The following DIAPH1 variants were observed in gnomAD, a reference collection of about 807,000 sequenced individuals.
DIAPH1 encodes the protein diaphanous related formin 1, also known as protein diaphanous homolog 1.
DIAPH1 carries 46 observed loss-of-function variants against 140.7 expected under a neutral mutation model. That is an observed-to-expected ratio of 0.33 (90% CI 0.26 to 0.42). DIAPH1 has a LOEUF of 0.42. Among genes scored for constraint, DIAPH1 ranks in the 10% least tolerant of loss-of-function variants. The pLI is 1.00. For missense variants in DIAPH1, 1,310 were observed against 1,558.7 expected, an observed-to-expected ratio of 0.84 and a Z score of 2.69; for synonymous variants, 565 against 551.6, an observed-to-expected ratio of 1.02 and a Z score of -0.34.
Position 141,527,699 on chromosome 5 carries a change from T to TAAAAAAAAAAAAAAAAAAAAAACA in DIAPH1, c.3149-3_3149-2insTGTTTTTTTTTTTTTTTTTTTTTT. The TAAAAAAAAAAAAAAAAAAAAAACA allele has an allele frequency of 4.4e-6, 5 of 1,130,078 alleles. No individual in the cohort carries two copies. Among genetic ancestry groups the TAAAAAAAAAAAAAAAAAAAAAACA allele is most frequent in the East Asian group, 7.3e-5 (2 of 27,440 alleles). The allele number at this position is 1,130,078 out of a possible 1,614,324, so 70.0% of individuals were successfully genotyped here. A position where few individuals can be genotyped will look rare whatever the true frequency, so the allele number is the denominator to read the frequency against. The stretch of plus-strand genomic sequence containing the variant: ...TCTTTTGCAAGTTTTCAGCAGAAAC[T>TAAAAAAAAAAAAAAAAAAAAAACA]AAAAAAAAAAAAAAAAAAAAAAACC... On this transcript the variant is annotated splice_polypyrimidine_tract_variant and splice_region_variant and intron_variant, in intron 23 of 27. Coordinates refer to ENST00000389054, the MANE Select transcript of DIAPH1 (RefSeq NM_005219.5).
At position 141,573,348 on chromosome 5, in the gene DIAPH1, T is replaced by A. The variant is rs1276397853; in HGVS notation, c.2358+144A>T. 1.1e-5 allele frequency: 11 copies of A among 960,340 alleles called. No individual in the cohort carries two copies. In the Admixed American group the frequency reaches 2.7e-4, roughly 23 times the overall value. The allele number at this position is 960,340 out of a possible 1,614,324, so 59.5% of individuals were successfully genotyped here. A position where few individuals can be genotyped will look rare whatever the true frequency, so the allele number is the denominator to read the frequency against. On this transcript the variant is annotated intron_variant, in intron 16 of 27. Coordinates refer to ENST00000389054, the MANE Select transcript of DIAPH1 (RefSeq NM_005219.5). ...TACACGGGAGGCTGAGGCAGGAGAA[T>A]GGCGTGAACCCGGGAGGCGGAGCTT...
At chr5:141,543,848 T>C (rs932955218) in intron 18 of DIAPH1, among the ~76,000 whole-genome samples, 1 of 152,198 alleles carries the variant, frequency 6.6e-6, no homozygotes, top group Non-Finnish European at 1.5e-5. Flanking sequence ...GAATTATATG[T>C]CAATACAATC....
At chr5:141,519,988 T>C (rs544237829) in intron 27 of DIAPH1, among the ~76,000 whole-genome samples, 19 of 152,202 alleles carry the variant, frequency 1.2e-4, no homozygotes, top group Non-Finnish European at 2.2e-4. Context: ...GACAGATTCC[T>C]AGAAGTTAGG....
chr5:141,578,620 T>C lies in DIAPH1; in HGVS notation c.939A>G (p.Gly313=), dbSNP rs930424079. The part of the protein sequence containing the change: ...KSGTTIALKV[G]CLQLINALIT... ...TGAGAGCATTGATCAGCTGTAGGCA[T>C]CCAACCTAAAATAAGAAAATTCAGC... The change falls in exon 10 of 28, where the codon GGA becomes GGG. Residue 313 remains glycine (G), a synonymous_variant. Transcript: ENST00000389054. 3.7e-6 allele frequency: 6 copies of C among 1,612,664 alleles called. No homozygotes were observed. Among genetic ancestry groups the C allele is most frequent in the Non-Finnish European group, 4.2e-6 (5 of 1,179,652 alleles).
intron 18 of DIAPH1, chr5:141,536,209 G>T (rs62379251): frequency 9.8e-5 from 28 of 285,640 alleles, no homozygotes; most frequent in African/African-American, 5.4e-4. Flanking sequence ...GGTTGACGTG[G>T]GAAAATCACC....
chr5:141,588,162 G>A (rs1200486876), intron 2 of DIAPH1, 62 bp downstream of exon 2: 4 of 1,361,110 alleles, frequency 2.9e-6, no homozygotes, highest in African/African-American at 1.4e-5. Flanking sequence ...TATGAAAACT[G>A]GTAAATATGA....
chr5:141,519,096 C>G, intron 27 of DIAPH1: 1 of 1,102,200 alleles, frequency 9.1e-7, no homozygotes, highest in Non-Finnish European at 1.4e-6. Flanking sequence ...GGGATTTTCA[C>G]AAAACCATTT....
At chr5:141,581,244 C>G (rs913360665) in intron 7 of DIAPH1, among the ~76,000 whole-genome samples, 1 of 152,124 alleles carries the variant, frequency 6.6e-6, no homozygotes, top group Admixed American at 6.5e-5. Context: ...TGCCAACAAG[C>G]TACCAGAAAC....
intron 18 of DIAPH1, among the ~76,000 whole-genome samples, chr5:141,556,517 G>GA (rs2099892607): frequency 6.6e-6 from 1 of 152,106 alleles, no homozygotes; most frequent in Non-Finnish European, 1.5e-5. Flanking sequence ...ATCACGTCAG[G>GA]AGAAAAGTAA....
rs762960433 is a variant in DIAPH1 at position 141,618,828 on chromosome 5, C to A, written c.87G>T (p.Ala29=). 6.5e-7 allele frequency: 1 copy of A among 1,549,944 alleles called. No homozygotes were observed. The highest frequency in any genetic ancestry group is 1.2e-5 in the South Asian group (1 of 83,274). Residue 29 remains alanine (A), a synonymous_variant, in exon 1 of 28, where the codon GCG becomes GCT. Transcript: ENST00000389054. ...KGRSPDELPS[A]GGDGGKSKKF... is the part of the protein sequence containing the mutation. ...TCTTAGATTTGCCGCCGTCGCCGCC[C>A]GCCGAGGGCAGCTCATCTGGGCTCC...
rs540768897 is a variant in DIAPH1 at position 141,579,896 on chromosome 5, C to T, written c.825-700G>A. On this transcript the variant is annotated intron_variant, in intron 8 of 27. Coordinates refer to ENST00000389054, the MANE Select transcript of DIAPH1 (RefSeq NM_005219.5). Reference sequence around the variant, plus strand: ...CTGGGAGGAGGAGTTTGCAGTGGGCCGAGATCGCGCCACTGCACTCCAGCC... The same window carrying T: ...CTGGGAGGAGGAGTTTGCAGTGGGCTGAGATCGCGCCACTGCACTCCAGCC... Among the ~76,000 whole-genome samples, 12 of 149,762 alleles carry T rather than the reference C, an allele frequency of 8.0e-5. No individual in the cohort carries two copies. In the South Asian group the frequency reaches 1.7e-3, roughly 21 times the overall value.
At chr5:141,576,117 G>T in intron 14 of DIAPH1, 113 bp downstream of exon 14, 3 of 877,024 alleles carry the variant, frequency 3.4e-6, no homozygotes, top group Non-Finnish European at 5.8e-6. Context: ...TACACTATTG[G>T]GTGCTAAACG....
At chr5:141,545,893 C>T (rs2099890723) in intron 18 of DIAPH1, among the ~76,000 whole-genome samples, 1 of 152,140 alleles carries the variant, frequency 6.6e-6, no homozygotes, top group African/African-American at 2.4e-5. Flanking sequence ...TTGCTGACTC[C>T]TGGTCTAACC....
intron 1 of DIAPH1, among the ~76,000 whole-genome samples, chr5:141,599,745 T>C (rs933461617): frequency 6.6e-6 from 1 of 152,236 alleles, no homozygotes; most frequent in Non-Finnish European, 1.5e-5. Flanking sequence ...TTTAATGTGA[T>C]AGGTGGAAGT....
At chr5:141,574,699 T>C (rs1389944549) in intron 15 of DIAPH1, among the ~76,000 whole-genome samples, 1 of 152,198 alleles carries the variant, frequency 6.6e-6, no homozygotes, top group Non-Finnish European at 1.5e-5. Context: ...CCTAATTTAT[T>C]AGGAGACTTA....
chr5:141,546,653 A>G (rs1438823315), intron 18 of DIAPH1, among the ~76,000 whole-genome samples: 1 of 151,454 alleles, frequency 6.6e-6, no homozygotes, highest in Non-Finnish European at 1.5e-5. Flanking sequence ...GAGACTCTGA[A>G]AAAAAAAAGA....
chr5:141,582,215 T>C, intron 7 of DIAPH1, 97 bp downstream of exon 7: 1 of 882,010 alleles, frequency 1.1e-6, no homozygotes, highest in Non-Finnish European at 1.9e-6. Context: ...CTAGAAGTCC[T>C]GAACCTCATA....
At chr5:141,589,797 C>A (rs990819535) in intron 1 of DIAPH1, among the ~76,000 whole-genome samples, 2 of 152,132 alleles carry the variant, frequency 1.3e-5, no homozygotes, top group Non-Finnish European at 2.9e-5. Flanking sequence ...TACTTTACCC[C>A]TCCTGCCCCC....
At chr5:141,591,824 C>G (rs2099898526) in intron 1 of DIAPH1, among the ~76,000 whole-genome samples, 1 of 149,320 alleles carries the variant, frequency 6.7e-6, no homozygotes, top group Non-Finnish European at 1.5e-5. Context: ...TGCCTCACGC[C>G]TGTAATCCCA....
Sources: allele counts gnomAD v4.1 joint callset (sites outside exome capture counted in the v4.1 genomes callset), GRCh38; gene constraint gnomAD v4.1.1; transcripts MANE v1.5; gene names NCBI Gene and HGNC (gene_info 2026-07-23, HGNC 2026-07-21).